Variants in PHF21B observed in about 807,000 individuals in gnomAD.
The protein encoded by PHF21B is PHD finger protein 21B.
A neutral mutation model predicts 62.2 loss-of-function variants in PHF21B; 22 were observed. The ratio of observed to expected loss-of-function variants is 0.35; its 90% confidence interval spans 0.25 to 0.51. The LOEUF (loss-of-function observed/expected upper bound fraction) is 0.51, where lower values mean the gene tolerates loss of function less well. PHF21B is among the 20% of genes least tolerant of loss of function. The pLI is 0.97. For missense variants in PHF21B, 701 were observed against 707.9 expected (o/e 0.99, Z 0.11); for synonymous variants, 341 against 314.7 (o/e 1.08, Z -0.88).
At chr22:44,977,489 TGA>T (rs1005640168) in intron 2 of PHF21B, among the ~76,000 whole-genome samples, 1 of 151,670 alleles carries the variant, frequency 6.6e-6, no homozygotes, top group African/African-American at 2.4e-5. Flanking sequence ...CACTTGAACC[TGA>T]GAGGCGGAGG....
intron 2 of PHF21B, among the ~76,000 whole-genome samples, chr22:44,953,249 T>G (rs537179103): frequency 1.3e-5 from 2 of 152,212 alleles, no homozygotes; most frequent in South Asian, 4.1e-4. Context: ...CACTAGCGAG[T>G]TGGGGTACAA....
chr22:44,891,789 G>A lies in PHF21B; in HGVS notation c.961-429C>T, dbSNP rs117438049. On this transcript the variant is annotated intron_variant, in intron 7 of 12. Transcript: ENST00000313237. ...AATTCCACTTCTTGGCATGTGGCCT[G>A]AAACATCACATGTGGACAAAGGTTT... 2.6e-5 allele frequency among the ~76,000 whole-genome samples: 4 copies of A among 152,378 alleles called. No individual in the cohort carries two copies. The East Asian group carries it at 5.8e-4, about 22-fold the overall frequency.
chr22:44,986,376 C>T (rs1056318440), intron 2 of PHF21B, among the ~76,000 whole-genome samples: 2 of 151,742 alleles, frequency 1.3e-5, no homozygotes, highest in Admixed American at 6.6e-5. Flanking sequence ...ATCACCATGA[C>T]ACCCATCACC....
At chr22:44,946,488 A>C (rs886965153) in intron 2 of PHF21B, among the ~76,000 whole-genome samples, 2 of 152,070 alleles carry the variant, frequency 1.3e-5, no homozygotes, top group Non-Finnish European at 2.9e-5. Context: ...GGAAACACGG[A>C]AAGTCCTGTT....
At chr22:44,945,068 C>T (rs1247625416) in intron 2 of PHF21B, among the ~76,000 whole-genome samples, 1 of 151,394 alleles carries the variant, frequency 6.6e-6, no homozygotes, top group East Asian at 2.0e-4. Flanking sequence ...TTGCCTGTTT[C>T]CCGTATTAAT....
At chr22:44,933,580 C>A in intron 2 of PHF21B, 3 of 976,612 alleles carry the variant, frequency 3.1e-6, no homozygotes, top group Non-Finnish European at 3.6e-6. Context: ...CGGAAGTGCA[C>A]GGGAAGGTCT....
At chr22:44,990,743 T>C (rs528903891) in intron 2 of PHF21B, among the ~76,000 whole-genome samples, 1 of 152,332 alleles carries the variant, frequency 6.6e-6, no homozygotes, top group East Asian at 1.9e-4. Context: ...CATCTGGAGA[T>C]GGATGGTGGT....
intron 2 of PHF21B, among the ~76,000 whole-genome samples, chr22:44,956,604 C>T (rs969531334): frequency 6.6e-6 from 1 of 152,144 alleles, no homozygotes; most frequent in Non-Finnish European, 1.5e-5. Context: ...TGCCGAGCTT[C>T]CTTCACGAGG....
Position 44,920,464 on chromosome 22 carries a change from A to C in PHF21B, c.147T>G (p.Pro49=), listed in dbSNP as rs974793670. The C allele has an allele frequency of 1.2e-6, 2 of 1,612,470 alleles. No individual in the cohort carries two copies. Among genetic ancestry groups the C allele is most frequent in the African/African-American group, 2.7e-5 (2 of 74,888 alleles). ...KQALGTITAV[P]VTGPQVSSLQ... ...AGGAGCTGACCTGAGGACCCGTGACAGGCACTGCAGTGATCGTTCCCAAAG... is the reference window on the plus strand; with the variant it reads ...AGGAGCTGACCTGAGGACCCGTGACCGGCACTGCAGTGATCGTTCCCAAAG... Residue 49 remains proline (P), a synonymous_variant, in exon 3 of 13, where the codon CCT becomes CCG. Coordinates refer to ENST00000313237, the MANE Select transcript of PHF21B (RefSeq NM_138415.5).
chr22:44,981,392 G>C (rs912515017), intron 2 of PHF21B, among the ~76,000 whole-genome samples: 3 of 152,206 alleles, frequency 2.0e-5, no homozygotes, highest in Non-Finnish European at 2.9e-5. Flanking sequence ...CACTCACCAA[G>C]TTGGAGTTTA....
At chr22:44,921,592 C>T (rs975130332) in intron 2 of PHF21B, among the ~76,000 whole-genome samples, 25 of 151,752 alleles carry the variant, frequency 1.6e-4, no homozygotes, top group African/African-American at 5.8e-4. Context: ...GTCTCAATCT[C>T]CTGACCTCAT....
At chr22:45,004,029 G>A (rs1173787402) in intron 2 of PHF21B, among the ~76,000 whole-genome samples, 2 of 151,906 alleles carry the variant, frequency 1.3e-5, no homozygotes, top group South Asian at 2.1e-4. Flanking sequence ...CGAAAGCCCA[G>A]AACAGGCAAC....
rs147687543 is a variant in PHF21B at position 44,883,208 on chromosome 22, C to T, written c.1474G>A (p.Glu492Lys). ...GTCATGGTGACCTGGAGCAGCTGCT[C>T]GCCCTGTATCAGTCTCAGGAGGGCC... ...LRALLRLIQG[E>K]QLLQVTMTTT... Residue 492 changes from glutamate to lysine, a missense_variant, in exon 13 of 13, where the codon GAG becomes AAG. Coordinates refer to ENST00000313237, the MANE Select transcript of PHF21B (RefSeq NM_138415.5). 10 of 1,613,746 alleles carry T rather than the reference C, an allele frequency of 6.2e-6. No homozygotes were observed. The highest frequency in any genetic ancestry group is 2.2e-5 in the East Asian group (1 of 44,876).
chr22:44,986,505 G>A (rs1018453503), intron 2 of PHF21B, among the ~76,000 whole-genome samples: 5 of 137,072 alleles, frequency 3.6e-5, no homozygotes, highest in Non-Finnish European at 6.0e-5. Context: ...CTTGGTGGAT[G>A]GGCTGGATCT....
chr22:45,005,272 G>A (rs1426785900), intron 2 of PHF21B, among the ~76,000 whole-genome samples: 1 of 152,128 alleles, frequency 6.6e-6, no homozygotes, highest in Non-Finnish European at 1.5e-5. Flanking sequence ...TCACAGCCCA[G>A]CAGCAAAGTG....
At chr22:44,912,901 A>T (rs2071369137) in intron 5 of PHF21B, among the ~76,000 whole-genome samples, 1 of 149,234 alleles carries the variant, frequency 6.7e-6, no homozygotes, top group South Asian at 2.1e-4. Context: ...AAAAAAAGAC[A>T]AAAAGAAAGG....
chr22:44,995,455 C>T (rs1426487207), intron 2 of PHF21B, among the ~76,000 whole-genome samples: 3 of 152,120 alleles, frequency 2.0e-5, no homozygotes, highest in East Asian at 3.9e-4. Context: ...CATTTGTGTT[C>T]CACTTACTTA....
At chr22:44,970,212 G>A (rs2072611258) in intron 2 of PHF21B, among the ~76,000 whole-genome samples, 1 of 152,276 alleles carries the variant, frequency 6.6e-6, no homozygotes, top group Non-Finnish European at 1.5e-5. Context: ...GCGTCCTGAA[G>A]GGAGGCATAT....
intron 4 of PHF21B, among the ~76,000 whole-genome samples, chr22:44,914,330 G>A (rs1043809674): frequency 7.9e-5 from 12 of 152,322 alleles, no homozygotes; most frequent in African/African-American, 2.9e-4. Flanking sequence ...TTAGGAACTG[G>A]GAAGGTCTGG....
Sources: gnomAD v4.1 joint callset for allele counts (sites outside exome capture counted in the v4.1 genomes callset) on GRCh38, gnomAD v4.1.1 for gene constraint, MANE v1.5 for transcripts, NCBI Gene and HGNC (gene_info 2026-07-23, HGNC 2026-07-21) for gene names.